DZIP1: variants seen among roughly 807,000 people sequenced by gnomAD.
DZIP1 encodes the protein DAZ interacting zinc finger protein 1.
DZIP1 carries 97 observed loss-of-function variants against 107.6 expected under a neutral mutation model. The observed-to-expected ratio is 0.90, with a 90% CI of 0.77 to 1.07. The LOEUF (loss-of-function observed/expected upper bound fraction) is 1.07, where lower values mean the gene tolerates loss of function less well. Ranked by LOEUF, DZIP1 falls within the 50% of genes least tolerant of loss-of-function variation. The pLI is 0.00. For missense variants in DZIP1, 1,035 were observed against 1,063.6 expected (o/e 0.97, Z 0.37); for synonymous variants, 390 against 386.4 (o/e 1.01, Z -0.11).
intron 14 of DZIP1, among the ~76,000 whole-genome samples, chr13:95,601,234 G>A (rs1463330975): frequency 6.6e-6 from 1 of 152,110 alleles, no homozygotes; most frequent in Non-Finnish European, 1.5e-5. Context: ...CTGGGGAAGT[G>A]AGGCTGGCCA....
At chr13:95,609,153 G>GT (rs68035554) in intron 13 of DZIP1, among the ~76,000 whole-genome samples, 42,019 of 152,052 alleles carry the variant, frequency 0.28, 6,230 homozygotes, top group Admixed American at 0.36. Flanking sequence ...GTCGCATAGT[G>GT]TATCACTTTG....
At chr13:95,643,434 G>A (rs1017209619) in intron 2 of DZIP1, among the ~76,000 whole-genome samples, 167 bp downstream of exon 2, 8 of 152,178 alleles carry the variant, frequency 5.3e-5, no homozygotes, top group Admixed American at 4.6e-4. Context: ...TAAACCATAT[G>A]TCCAAGTTAA....
chr13:95,612,833 C>T (rs968881056), intron 10 of DZIP1, among the ~76,000 whole-genome samples: 20 of 152,108 alleles, frequency 1.3e-4, no homozygotes, highest in African/African-American at 3.4e-4. Context: ...GATCCACCCG[C>T]CTTGGCCTCT....
rs538208700 is a variant in DZIP1, at chr13:95,622,236, G to C, written c.1110+107C>G. ...AAAAATAACAGCTAGTCACCTTCAG[G>C]GTTACTAAAAAAGACAAACACTTTT... On this transcript the variant is annotated intron_variant, in intron 9 of 22. Coordinates refer to ENST00000376829, the MANE Select transcript of DZIP1 (RefSeq NM_198968.4). The C allele has an allele frequency of 2.8e-6, 4 of 1,412,658 alleles. No homozygotes were observed. In the East Asian group the frequency reaches 9.3e-5, roughly 33 times the overall value. The allele number at this position is 1,412,658 out of a possible 1,614,324, so 87.5% of individuals were successfully genotyped here. A position where few individuals can be genotyped will look rare whatever the true frequency, so the allele number is the denominator to read the frequency against.
At chr13:95,636,034 C>A (rs1010272186) in intron 5 of DZIP1, among the ~76,000 whole-genome samples, 11 of 151,606 alleles carry the variant, frequency 7.3e-5, no homozygotes, top group African/African-American at 2.7e-4. Flanking sequence ...ACATGGCATG[C>A]AAAAATAAAG....
rs79476000 is a variant in DZIP1, at chr13:95,593,759, G to A, written c.1680+185C>T. 2.7e-3 allele frequency among the ~76,000 whole-genome samples: 414 copies of A among 152,282 alleles called. 2 individuals carry two copies. Among genetic ancestry groups the A allele is most frequent in the Non-Finnish European group, 4.8e-3 (329 of 68,020 alleles). ...AAATGAGTTAATATTTGTTAAGGTC[G>A]TAGAAATGTGCCAGGCACACAGTGA... On this transcript the variant is annotated intron_variant, in intron 16 of 22. Coordinates refer to ENST00000376829, the MANE Select transcript of DZIP1 (RefSeq NM_198968.4).
At chr13:95,614,224 G>A (rs1204258316) in intron 10 of DZIP1, among the ~76,000 whole-genome samples, 1 of 151,696 alleles carries the variant, frequency 6.6e-6, no homozygotes, top group Non-Finnish European at 1.5e-5. Flanking sequence ...ACACTGGGTG[G>A]AACCAATCTA....
intron 5 of DZIP1, among the ~76,000 whole-genome samples, chr13:95,634,983 G>T (rs1167501364): frequency 6.6e-6 from 1 of 151,994 alleles, no homozygotes; most frequent in Non-Finnish European, 1.5e-5. Context: ...TAGTCTATAG[G>T]TTTCCCCTCC....
At chr13:95,588,139 A>T (rs890568353) in intron 19 of DZIP1, 1 of 155,820 alleles carries the variant, frequency 6.4e-6, no homozygotes, top group African/African-American at 2.4e-5. Flanking sequence ...TTACATACAC[A>T]ATCTCATTTG....
At chr13:95,604,122 AC>A (rs1469661832) in intron 14 of DZIP1, among the ~76,000 whole-genome samples, 3 of 152,012 alleles carry the variant, frequency 2.0e-5, no homozygotes, top group African/African-American at 4.8e-5. Flanking sequence ...CCTTCGCCCA[AC>A]CCTGCTTCTC....
At position 95,624,793 on chromosome 13, in the gene DZIP1, G is replaced by A. The variant is rs1315932746; in HGVS notation, c.947C>T (p.Thr316Ile). Residue 316 changes from threonine to isoleucine, a missense_variant, in exon 8 of 23, where the codon ACT (threonine) becomes ATT (isoleucine). Thr to Ile is a moderately conservative substitution (Grantham distance 89). Transcript: ENST00000376829. ...ATATTCTAATGCTGAATTCTTCGAA[G>A]TTAATTCTTTAAATTCCTTCATAAA... ...EMFMKEFKEL[T>I]SKNSALEYQL... The A allele has an allele frequency of 1.9e-6, 3 of 1,604,120 alleles. No homozygotes were observed. The highest frequency in any genetic ancestry group is 2.7e-5 in the African/African-American group (2 of 74,796).
intron 7 of DZIP1, among the ~76,000 whole-genome samples, chr13:95,625,478 G>T (rs938307744): frequency 6.6e-6 from 1 of 152,082 alleles, no homozygotes; most frequent in African/African-American, 2.4e-5. Flanking sequence ...CCCAACAATA[G>T]CAGAATATAC....
chr13:95,619,018 A>G (rs1352750202), intron 10 of DZIP1, among the ~76,000 whole-genome samples: 1 of 152,252 alleles, frequency 6.6e-6, no homozygotes, highest in Non-Finnish European at 1.5e-5. Flanking sequence ...GTTTTCATTA[A>G]AGCGATTTTA....
intron 10 of DZIP1, among the ~76,000 whole-genome samples, chr13:95,614,472 G>A (rs974585195): frequency 1.3e-5 from 2 of 152,192 alleles, no homozygotes; most frequent in African/African-American, 4.8e-5. Flanking sequence ...TACATGGGGA[G>A]TTGCTCCAGG....
intron 22 of DZIP1, among the ~76,000 whole-genome samples, chr13:95,583,494 A>G (rs1189325430): frequency 1.3e-5 from 2 of 152,170 alleles, no homozygotes; most frequent in Non-Finnish European, 2.9e-5. Context: ...AGCCTTCTGA[A>G]CAACTCAGCT....
rs540773465 is a variant in DZIP1, at chr13:95,641,877, C to T, written c.37-22G>A. ...AGGGCTGCGGGGGGCACAAAGAGAG[C>T]GCGGCGGGAGGCGGGGATGGGGGGC... On this transcript the variant is annotated intron_variant, in intron 4 of 22. Transcript: ENST00000376829. The surrounding 1 kb of genome is among the most constrained non-coding windows in gnomAD (Gnocchi z 4.3). 1.9e-6 allele frequency: 2 copies of T among 1,057,736 alleles called. No homozygotes were observed. The highest frequency in any genetic ancestry group is 3.3e-5 in the South Asian group (2 of 59,756). 65.5% of individuals were successfully genotyped at this position (1,057,736 alleles called of 1,614,324 possible). A position where few individuals can be genotyped will look rare whatever the true frequency, so the allele number is the denominator to read the frequency against.
intron 21 of DZIP1, among the ~76,000 whole-genome samples, 169 bp from the exon 22 acceptor site, chr13:95,585,079 G>C (rs1182119739): frequency 6.6e-6 from 1 of 152,178 alleles, no homozygotes; most frequent in Non-Finnish European, 1.5e-5. Context: ...AATAGATTTG[G>C]AAGTTGGTAT....
intron 13 of DZIP1, among the ~76,000 whole-genome samples, chr13:95,607,142 G>A (rs2044808113): frequency 6.6e-6 from 1 of 152,104 alleles, no homozygotes; most frequent in South Asian, 2.1e-4. Context: ...TGCCTCCTGG[G>A]CTCAAGCAAC....
intron 15 of DZIP1, among the ~76,000 whole-genome samples, chr13:95,597,340 G>T (rs1019350814): frequency 6.6e-6 from 1 of 152,002 alleles, no homozygotes; most frequent in African/African-American, 2.4e-5. Context: ...CTCCTGACAT[G>T]TCTCACAGAT....
Sources: gnomAD v4.1 joint callset for allele counts (sites outside exome capture counted in the v4.1 genomes callset) on GRCh38, gnomAD v4.1.1 for gene constraint, Gnocchi (gnomAD v3.1) non-coding constraint, MANE v1.5 for transcripts, NCBI Gene and HGNC (gene_info 2026-07-23, HGNC 2026-07-21) for gene names.